The following PTPRT variants were observed in gnomAD, a reference collection of about 807,000 sequenced individuals.
PTPRT encodes the protein receptor-type tyrosine-protein phosphatase T.
PTPRT carries 56 observed loss-of-function variants against 176.8 expected under a neutral mutation model. The observed-to-expected ratio is 0.32, with a 90% CI of 0.26 to 0.40. The LOEUF (loss-of-function observed/expected upper bound fraction) is 0.40. Among genes scored for constraint, PTPRT ranks in the 10% least tolerant of loss-of-function variants. The pLI is 1.00. For missense variants in PTPRT, 1,540 were observed against 1,908.2 expected, an observed-to-expected ratio of 0.81 and a Z score of 3.60; for synonymous variants, 783 against 739.0, an observed-to-expected ratio of 1.06 and a Z score of -0.96.
rs2146054052 is a variant in PTPRT at position 42,075,122 on chromosome 20, C to T, written c.*5757G>A. On this transcript the variant is annotated 3_prime_UTR_variant, in exon 31 of 31. Coordinates refer to ENST00000373187, the MANE Select transcript of PTPRT (RefSeq NM_007050.6). ...TTCTAGACATGTATACATGGAAAACCTCCAACAGGGAAACTTTGCATGGGA... is the reference window on the plus strand; with the variant it reads ...TTCTAGACATGTATACATGGAAAACTTCCAACAGGGAAACTTTGCATGGGA... 1 of 336,712 alleles carries T rather than the reference C, an allele frequency of 3.0e-6. No individual in the cohort carries two copies. The highest frequency in any genetic ancestry group is 4.3e-5 in the East Asian group (1 of 23,176). 20.9% of individuals were successfully genotyped at this position (336,712 alleles called of 1,614,324 possible). A position where few individuals can be genotyped will look rare whatever the true frequency, so the allele number is the denominator to read the frequency against.
At chr20:43,159,400 T>C (rs2014622376) in intron 1 of PTPRT, among the ~76,000 whole-genome samples, 2 of 152,250 alleles carry the variant, frequency 1.3e-5, no homozygotes, top group Admixed American at 1.3e-4. Flanking sequence ...CATCATTGCC[T>C]ATCTGGGGCA....
At position 42,508,907 on chromosome 20, in the gene PTPRT, T is replaced by C. The variant is rs190962908; in HGVS notation, c.1154-36345A>G. Among the ~76,000 whole-genome samples the C allele has an allele frequency of 2.9e-3, 423 of 144,476 alleles. 3 individuals are homozygous for C. Among genetic ancestry groups the C allele is most frequent in the African/African-American group, 9.8e-3 (388 of 39,568 alleles). The allele number at this position is 144,476 out of a possible 152,430, so 94.8% of individuals were successfully genotyped here. ...ATATTTAATTTATAAATATAAATAA[T>C]ATAATTTATAAATATAAATAATATA... On this transcript the variant is annotated intron_variant, in intron 7 of 30. Coordinates refer to ENST00000373187, the MANE Select transcript of PTPRT (RefSeq NM_007050.6).
chr20:42,133,527 G>A (rs1988229239), intron 18 of PTPRT, among the ~76,000 whole-genome samples: 1 of 152,198 alleles, frequency 6.6e-6, no homozygotes, highest in African/African-American at 2.4e-5. Context: ...TAGTTTCCAG[G>A]GGCTTGGGAG....
chr20:42,562,764 C>T (rs2072973669), intron 7 of PTPRT, among the ~76,000 whole-genome samples: 1 of 152,182 alleles, frequency 6.6e-6, no homozygotes, highest in Non-Finnish European at 1.5e-5. Context: ...GACAATCCCT[C>T]CAGGCTCAGG....
At chr20:42,256,983 TAA>T (rs2056653278) in intron 13 of PTPRT, among the ~76,000 whole-genome samples, 1 of 152,110 alleles carries the variant, frequency 6.6e-6, no homozygotes, top group Admixed American at 6.5e-5. Flanking sequence ...CATCTCTTAT[TAA>T]AGTCTCCCAT....
At chr20:42,095,857 C>T (rs1256954902) in intron 27 of PTPRT, among the ~76,000 whole-genome samples, 1 of 152,162 alleles carries the variant, frequency 6.6e-6, no homozygotes, top group Non-Finnish European at 1.5e-5. Flanking sequence ...TTGCCTGAAT[C>T]AATAGACTCT....
intron 2 of PTPRT, among the ~76,000 whole-genome samples, chr20:42,816,273 C>A (rs6016896): frequency 6.6e-6 from 1 of 152,134 alleles, no homozygotes; most frequent in African/African-American, 2.4e-5. Context: ...TCCCTTCAAC[C>A]TTAAAGGTAG....
rs544567226 is a variant in PTPRT at position 43,169,695 on chromosome 20, G to C, written c.88+19951C>G. Among the ~76,000 whole-genome samples the C allele has an allele frequency of 1.8e-4, 28 of 151,820 alleles. 1 individual carries two copies. The highest frequency in any genetic ancestry group is 3.4e-4 in the Non-Finnish European group (23 of 68,034). On this transcript the variant is annotated intron_variant, in intron 1 of 30. Coordinates refer to ENST00000373187, the MANE Select transcript of PTPRT (RefSeq NM_007050.6). ...TGATTTCTTCTAAAGAACCACTACC[G>C]TAAACCAATATCCCTCCTCTTCTCT...
chr20:42,503,181 G>A (rs230163), intron 7 of PTPRT, among the ~76,000 whole-genome samples: 122,522 of 151,842 alleles, frequency 0.81, 50,159 homozygotes, highest in African/African-American at 0.95. Flanking sequence ...TTATTTCATT[G>A]ATGTATTCTC....
the PTPRT span, among the ~76,000 whole-genome samples, chr20:42,048,805 C>T: frequency 6.6e-6 from 1 of 152,130 alleles, no homozygotes; most frequent in Admixed American, 6.6e-5. Flanking sequence ...TAAAATACTA[C>T]TAAGTTTTTT....
At chr20:43,066,277 T>G (rs935118525) in intron 1 of PTPRT, among the ~76,000 whole-genome samples, 1 of 152,174 alleles carries the variant, frequency 6.6e-6, no homozygotes. Flanking sequence ...CATCCATAAA[T>G]GTGTCTTCAT....
intron 9 of PTPRT, among the ~76,000 whole-genome samples, chr20:42,404,987 TACACACACACAC>T (rs1420147226): frequency 3.7e-5 from 5 of 135,860 alleles, no homozygotes; most frequent in East Asian, 2.0e-4. Context: ...TATATATATA[TACACACACACAC>T]AAATATATAA....
intron 27 of PTPRT, among the ~76,000 whole-genome samples, chr20:42,095,033 C>T (rs912742016): frequency 6.6e-6 from 1 of 152,126 alleles, no homozygotes; most frequent in Non-Finnish European, 1.5e-5. Context: ...CCCTTGATTC[C>T]TCTTTCTCTC....
At chr20:42,945,074 TTATAAAATATGTAATATTTA>T (rs1980795370) in intron 1 of PTPRT, among the ~76,000 whole-genome samples, 2 of 148,596 alleles carry the variant, frequency 1.3e-5, no homozygotes, top group South Asian at 4.2e-4. Flanking sequence ...ATACTATATA[TTATAAAATATGTAATATTTA>T]TATAAAATAT....
At chr20:42,151,748 T>C (rs150238485) in intron 17 of PTPRT, among the ~76,000 whole-genome samples, 23 of 152,272 alleles carry the variant, frequency 1.5e-4, no homozygotes, top group African/African-American at 5.3e-4. Context: ...GGTAGAAACA[T>C]CCAGTTTCTT....
intron 9 of PTPRT, among the ~76,000 whole-genome samples, chr20:42,356,928 T>C (rs1050550882): frequency 1.3e-5 from 2 of 152,112 alleles, no homozygotes; most frequent in African/African-American, 4.8e-5. Flanking sequence ...GGCCCCGTCT[T>C]CCTTCCCATG....
chr20:42,413,953 C>T (rs1054799455), intron 9 of PTPRT, among the ~76,000 whole-genome samples: 3 of 152,136 alleles, frequency 2.0e-5, no homozygotes, highest in Admixed American at 6.5e-5. Flanking sequence ...CAGGTTCAAG[C>T]GGTTCTCTTG....
intron 1 of PTPRT, among the ~76,000 whole-genome samples, chr20:43,004,862 G>A (rs1368671913): frequency 1.3e-5 from 2 of 152,200 alleles, no homozygotes; most frequent in African/African-American, 4.8e-5. Context: ...GCTAAGATAT[G>A]TTAGAGGCAA....
At chr20:43,090,417 G>A (rs113182822) in intron 1 of PTPRT, among the ~76,000 whole-genome samples, 3,165 of 152,044 alleles carry the variant, frequency 0.021, 56 homozygotes, top group Admixed American at 0.041. Context: ...ACAGGCGCCC[G>A]CCACCACGCC....
Sources: gnomAD v4.1 joint callset for allele counts (sites outside exome capture counted in the v4.1 genomes callset) on GRCh38, gnomAD v4.1.1 for gene constraint, MANE v1.5 for transcripts, NCBI Gene and HGNC (gene_info 2026-07-23, HGNC 2026-07-21) for gene names.